The following MSRA variants were observed in gnomAD, a reference collection of about 807,000 sequenced individuals.
MSRA encodes the protein mitochondrial peptide methionine sulfoxide reductase.
A neutral mutation model predicts 31.3 loss-of-function variants in MSRA; 54 were observed. The ratio of observed to expected loss-of-function variants is 1.73; its 90% CI spans 1.39 to 2.17. The LOEUF is 2.17. MSRA is among the 30% of genes most tolerant of loss of function. The pLI is 0.00. For missense variants in MSRA, 507 were observed against 300.9 expected (o/e 1.69, Z -5.07); for synonymous variants, 169 against 116.5 (o/e 1.45, Z -2.90).
At chr8:10,151,716 A>G (rs1418905462) in intron 1 of MSRA, among the ~76,000 whole-genome samples, 1 of 152,204 alleles carries the variant, frequency 6.6e-6, no homozygotes, top group Non-Finnish European at 1.5e-5. Context: ...GGGTTGGGTC[A>G]AGGCACAAGT....
At chr8:10,190,054 T>A (rs1306681649) in intron 1 of MSRA, among the ~76,000 whole-genome samples, 1 of 152,198 alleles carries the variant, frequency 6.6e-6, no homozygotes, top group Non-Finnish European at 1.5e-5. Context: ...TCCAAATACA[T>A]CTTTCTGTGT....
chr8:10,169,977 G>A (rs1262870689), intron 1 of MSRA, among the ~76,000 whole-genome samples: 2 of 143,062 alleles, frequency 1.4e-5, no homozygotes, highest in African/African-American at 5.3e-5. Context: ...GTACAGTGAC[G>A]CAATCTTGGC....
At chr8:10,251,341 C>A (rs1356663217) in intron 3 of MSRA, among the ~76,000 whole-genome samples, 2 of 152,034 alleles carry the variant, frequency 1.3e-5, no homozygotes, top group African/African-American at 4.8e-5. Context: ...TTTTATCAAG[C>A]AATGTAAAAC....
intron 2 of MSRA, among the ~76,000 whole-genome samples, chr8:10,224,767 C>T (rs1810847381): frequency 6.6e-6 from 1 of 152,202 alleles, no homozygotes; most frequent in African/African-American, 2.4e-5. Context: ...AAATCTTGGT[C>T]ACTAGAAAGA....
chr8:10,421,643 A>T (rs1469369585), intron 5 of MSRA, among the ~76,000 whole-genome samples: 1 of 152,136 alleles, frequency 6.6e-6, no homozygotes, highest in African/African-American at 2.4e-5. Context: ...AAGGCTCTTT[A>T]CTGGCCGCCC....
chr8:10,137,712 G>C (rs571830765), intron 1 of MSRA, among the ~76,000 whole-genome samples: 1 of 152,144 alleles, frequency 6.6e-6, no homozygotes, highest in South Asian at 2.1e-4. Flanking sequence ...CAGTGGGAGT[G>C]GTGACTGGGG....
intron 5 of MSRA, among the ~76,000 whole-genome samples, chr8:10,424,316 A>C (rs1032197263): frequency 6.6e-6 from 1 of 152,190 alleles, no homozygotes; most frequent in East Asian, 1.9e-4. Context: ...GAGGGAGACG[A>C]TGCTGAGGGG....
chr8:10,187,190 C>G (rs988485277), intron 1 of MSRA, among the ~76,000 whole-genome samples: 3 of 152,154 alleles, frequency 2.0e-5, no homozygotes, highest in African/African-American at 2.4e-5. Context: ...TGATTGAGCC[C>G]CCTTTGACAT....
rs1810666697 is a variant in MSRA at position 10,223,011 on chromosome 8, T to TTAGCA, written c.211+15113_211+15117dup. On this transcript the variant is annotated intron_variant, in intron 2 of 5. Coordinates refer to ENST00000317173, the MANE Select transcript of MSRA (RefSeq NM_012331.5). The stretch of plus-strand genomic sequence containing the variant: ...GTGTGTAAGGTGATAGGTATGTTAC[T>TTAGCA]TAGCATAATTTACTTATTCCACAGT... Among the ~76,000 whole-genome samples, 3 of 152,330 alleles carry TTAGCA rather than the reference T, an allele frequency of 2.0e-5. No individual in the cohort carries two copies. In the South Asian group the frequency reaches 6.2e-4, roughly 32 times the overall value.
rs149336796 is a variant in MSRA, at chr8:10,260,905, A to T, written c.331+15682A>T. Among the ~76,000 whole-genome samples the T allele has an allele frequency of 7.5e-4, 114 of 152,368 alleles. 2 individuals are homozygous for T. The highest frequency in any genetic ancestry group is 2.5e-3 in the African/African-American group (105 of 41,580). The stretch of plus-strand genomic sequence containing the variant: ...AATAACATTTGGATATTTGATAGAT[A>T]TTCAAAATATAGCTGAAATAAATTT... On this transcript the variant is annotated intron_variant, in intron 3 of 5. Coordinates refer to ENST00000317173, the MANE Select transcript of MSRA (RefSeq NM_012331.5).
rs182893469 is a variant in MSRA at position 10,214,195 on chromosome 8, C to T, written c.211+6294C>T. 8.4e-4 allele frequency among the ~76,000 whole-genome samples: 128 copies of T among 152,160 alleles called. 1 individual carries two copies. The highest frequency in any genetic ancestry group is 3.8e-3 in the Admixed American group (58 of 15,272). On this transcript the variant is annotated intron_variant, in intron 2 of 5. Transcript: ENST00000317173. ...ACATCTCTTTTGACAGCTAAGGTGC[C>T]GAGTGTTCGCGTGACCTTTTTTTGA...
At chr8:10,360,701 G>C (rs983965438) in intron 5 of MSRA, among the ~76,000 whole-genome samples, 1 of 152,200 alleles carries the variant, frequency 6.6e-6, no homozygotes, top group Admixed American at 6.5e-5. Context: ...CTGGGCTTTT[G>C]GTATTACATC....
chr8:10,341,842 C>T (rs1365254935), intron 5 of MSRA, among the ~76,000 whole-genome samples: 1 of 152,164 alleles, frequency 6.6e-6, no homozygotes, highest in Admixed American at 6.5e-5. Flanking sequence ...TTGCCCAAGG[C>T]GTGTGAACAT....
intron 5 of MSRA, among the ~76,000 whole-genome samples, chr8:10,374,990 C>G (rs751525875): frequency 6.6e-6 from 1 of 152,326 alleles, no homozygotes; most frequent in South Asian, 2.1e-4. Flanking sequence ...CCTGCTTCCC[C>G]TTTACCTTCT....
rs117612519 is a variant in MSRA at position 10,123,099 on chromosome 8, A to G, written c.142+68441A>G. On this transcript the variant is annotated intron_variant, in intron 1 of 5. Transcript: ENST00000317173. ...CAGTTCTGTTTTTAGCTCTTCGAGG[A>G]ATTGCCACACTGCTTTCCGCAATGG... Among the ~76,000 whole-genome samples the G allele has an allele frequency of 4.0e-3, 603 of 152,330 alleles. 23 individuals carry two copies. In the South Asian group the frequency reaches 0.11, roughly 27 times the overall value.
chr8:10,314,865 T>C (rs1801625937), intron 4 of MSRA, among the ~76,000 whole-genome samples: 1 of 152,196 alleles, frequency 6.6e-6, no homozygotes, highest in Non-Finnish European at 1.5e-5. Context: ...TGTAGTATAA[T>C]TGCATTTATA....
intron 2 of MSRA, among the ~76,000 whole-genome samples, chr8:10,231,216 G>C (rs1424079567): frequency 1.3e-5 from 2 of 152,012 alleles, no homozygotes; most frequent in Non-Finnish European, 2.9e-5. Flanking sequence ...TGCAGTGAGG[G>C]AGCTGAGGCG....
In MSRA at chr8:10,055,496, C is replaced by T. The variant is rs560798974; in HGVS notation, c.142+838C>T. ...CGCTTCTCAGAGTGCCCCCACCTGC[C>T]GCAGCAGCAGCAGCATCACCACCTG... is the stretch of plus-strand genomic sequence containing the variant. On this transcript the variant is annotated intron_variant, in intron 1 of 5. Transcript: ENST00000317173. Among the ~76,000 whole-genome samples the T allele has an allele frequency of 4.6e-5, 7 of 152,338 alleles. No individual in the cohort carries two copies. The South Asian group carries it at 8.3e-4, about 18-fold the overall frequency.
chr8:10,071,458 CTTTTTTT>C (rs77512999), intron 1 of MSRA, among the ~76,000 whole-genome samples: 121 of 129,266 alleles, frequency 9.4e-4, no homozygotes, highest in Admixed American at 1.6e-3. Flanking sequence ...TTTTAATTTT[CTTTTTTT>C]TTTTTTTTTC....
Sources: allele counts gnomAD v4.1 joint callset (sites outside exome capture counted in the v4.1 genomes callset), GRCh38; gene constraint gnomAD v4.1.1; transcripts MANE v1.5; gene names NCBI Gene and HGNC (gene_info 2026-07-23, HGNC 2026-07-21).